The following PACSIN1 variants were observed in gnomAD, a reference collection of about 807,000 sequenced individuals.
PACSIN1 encodes protein kinase C and casein kinase substrate in neurons protein 1.
In PACSIN1, 15 loss-of-function variants were observed where a neutral mutation model predicts 59.5. That is an observed-to-expected ratio of 0.25 (90% confidence interval 0.17 to 0.39). The LOEUF is 0.39. Ranked by LOEUF, PACSIN1 falls within the 10% of genes least tolerant of loss-of-function variation. The pLI is 1.00. For missense variants in PACSIN1, 420 were observed against 580.2 expected, an observed-to-expected ratio of 0.72 and a Z score of 2.84; for synonymous variants, 210 against 220.6, an observed-to-expected ratio of 0.95 and a Z score of 0.42.
chr6:34,500,678 C>G (rs2127258026), intron 1 of PACSIN1, among the ~76,000 whole-genome samples: 1 of 150,610 alleles, frequency 6.6e-6, no homozygotes, highest in East Asian at 1.9e-4. Context: ...GTCAGCCTGT[C>G]CTTTGAAGCA....
chr6:34,529,470 G>T lies in PACSIN1; in HGVS notation c.530G>T (p.Ser177Ile), dbSNP rs2127275016. The change falls in exon 5 of 10, where the codon AGC becomes ATC. Residue 177 changes from serine to isoleucine, a missense_variant. Transcript: ENST00000244458. This position sits in a 1 kb window ranked among gnomAD's most constrained non-coding sequence, Gnocchi z 6.3. ...EKLAMTREMN[S>I]KTEQSVTPEQ... ...CTGGCCATGACACGGGAGATGAACA[G>T]CAAGACGGAGCAATCGGTCACACCT... 1 of 1,614,170 alleles carries T rather than the reference G, an allele frequency of 6.2e-7. No homozygotes were observed. Among genetic ancestry groups the T allele is most frequent in the African/African-American group, 1.3e-5 (1 of 75,034 alleles).
intron 1 of PACSIN1, among the ~76,000 whole-genome samples, chr6:34,502,434 A>C (rs1197258440): frequency 6.7e-6 from 1 of 148,914 alleles, no homozygotes; most frequent in Non-Finnish European, 1.5e-5. Flanking sequence ...CCAGCTGAGG[A>C]TAAGTCATGT....
chr6:34,519,392 C>A (rs1767349023), intron 1 of PACSIN1, among the ~76,000 whole-genome samples: 1 of 152,160 alleles, frequency 6.6e-6, no homozygotes, highest in African/African-American at 2.4e-5. Context: ...GCCTGGAACA[C>A]CCCAGGTTAG....
chr6:34,510,676 A>G (rs1459088719), intron 1 of PACSIN1, among the ~76,000 whole-genome samples: 4 of 152,152 alleles, frequency 2.6e-5, no homozygotes, highest in African/African-American at 9.7e-5. Flanking sequence ...GGATTCTAAA[A>G]TGTTCCTGCC....
In PACSIN1 at chr6:34,521,805, C is replaced by T. The variant is rs1393098368; in HGVS notation, c.-63-4438C>T. 6.6e-6 allele frequency among the ~76,000 whole-genome samples: 1 copy of T among 152,144 alleles called. No homozygotes were observed. The highest frequency in any genetic ancestry group is 1.5e-5 in the Non-Finnish European group (1 of 68,022). ...TCCAGTGGCCCGAGGTCTAGTGCTC[C>T]GTTTAATCCTTGCAACAGCCCATTT... On this transcript the variant is annotated intron_variant, in intron 1 of 9. Coordinates refer to ENST00000244458, the MANE Select transcript of PACSIN1 (RefSeq NM_020804.5). The surrounding 1 kb of genome is among the most constrained non-coding windows in gnomAD (Gnocchi z 4.3).
chr6:34,480,017 G>T (rs187886914), intron 1 of PACSIN1, among the ~76,000 whole-genome samples: 2 of 151,454 alleles, frequency 1.3e-5, no homozygotes, highest in African/African-American at 2.4e-5. Context: ...ATGGAGACGG[G>T]GTTTCACCGT....
Position 34,530,580 on chromosome 6 carries a change from C to T in PACSIN1, c.1030C>T (p.Arg344Cys), listed in dbSNP as rs879193247. 1.1e-5 allele frequency: 17 copies of T among 1,577,056 alleles called. No homozygotes were observed. Among genetic ancestry groups the T allele is most frequent in the South Asian group, 3.5e-5 (3 of 86,274 alleles). Reference protein sequence around the residue: ...AVESTSQAGDRGSVSSYDRGQ... With the variant: ...AVESTSQAGDCGSVSSYDRGQ... ...AGAGTCCACATCCCAGGCTGGGGAC[C>T]GCGGCAGGTGAGTGCCTCCTGTGGA... Residue 344 changes from arginine to cysteine, a missense_variant, in exon 8 of 10, where the codon CGC becomes TGC. Coordinates refer to ENST00000244458, the MANE Select transcript of PACSIN1 (RefSeq NM_020804.5). This position sits in a 1 kb window ranked among gnomAD's most constrained non-coding sequence, Gnocchi z 4.4.
At chr6:34,495,591 T>C (rs1171783439) in intron 1 of PACSIN1, among the ~76,000 whole-genome samples, 1 of 152,082 alleles carries the variant, frequency 6.6e-6, no homozygotes. Flanking sequence ...TAGCTGGGAT[T>C]ACAGGCGCGC....
intron 1 of PACSIN1, among the ~76,000 whole-genome samples, chr6:34,490,414 C>T (rs1021682761): frequency 6.6e-6 from 1 of 152,014 alleles, no homozygotes; most frequent in African/African-American, 2.4e-5. Context: ...TTGTTTGCTG[C>T]CCTTCTGGCT....
At position 34,531,996 on chromosome 6, in the gene PACSIN1, G is replaced by C. The variant is rs2127276830; in HGVS notation, c.1225+209G>C. 6.6e-6 allele frequency among the ~76,000 whole-genome samples: 1 copy of C among 152,266 alleles called. No individual in the cohort carries two copies. ...TGAAAGAGAGGCTTGGGCCTGCATTGGGTGTGTGGTGGGGTAGAGGCAGGA... is the reference window on the plus strand; with the variant it reads ...TGAAAGAGAGGCTTGGGCCTGCATTCGGTGTGTGGTGGGGTAGAGGCAGGA... On this transcript the variant is annotated intron_variant, in intron 9 of 9. Transcript: ENST00000244458. This position sits in a 1 kb window ranked among gnomAD's most constrained non-coding sequence, Gnocchi z 4.4.
In PACSIN1 at chr6:34,530,521, A is replaced by G; in HGVS notation, c.971A>G (p.Glu324Gly). ...AAGGAGAAACAGCCTAAGAAGGCAGAGGGAGTGGCGCTGACCAATGCCACT... is the reference window on the plus strand; with the variant it reads ...AAGGAGAAACAGCCTAAGAAGGCAGGGGGAGTGGCGCTGACCAATGCCACT... Reference protein sequence around the residue: ...TKKEKQPKKAEGVALTNATGA... With the variant: ...TKKEKQPKKAGGVALTNATGA... The change falls in exon 8 of 10, where the codon GAG becomes GGG. Residue 324 changes from glutamate to glycine, a missense_variant. Glu to Gly is a moderately conservative substitution (Grantham distance 98). Transcript: ENST00000244458. The surrounding 1 kb of genome is among the most constrained non-coding windows in gnomAD (Gnocchi z 4.4). 6.2e-7 allele frequency: 1 copy of G among 1,610,196 alleles called. No homozygotes were observed. The highest frequency in any genetic ancestry group is 8.5e-7 in the Non-Finnish European group (1 of 1,178,420).
intron 1 of PACSIN1, among the ~76,000 whole-genome samples, chr6:34,512,291 G>T (rs1350651407): frequency 6.6e-6 from 1 of 150,778 alleles, no homozygotes; most frequent in Non-Finnish European, 1.5e-5. Context: ...GGAATCCATT[G>T]AGTGTGGGAG....
At chr6:34,503,510 C>G (rs980569972) in intron 1 of PACSIN1, among the ~76,000 whole-genome samples, 1 of 152,138 alleles carries the variant, frequency 6.6e-6, no homozygotes, top group Non-Finnish European at 1.5e-5. Flanking sequence ...CTGCTGCATG[C>G]CCAGCCTGGT....
At chr6:34,489,920 G>C (rs559888898) in intron 1 of PACSIN1, among the ~76,000 whole-genome samples, 1 of 152,288 alleles carries the variant, frequency 6.6e-6, no homozygotes, top group East Asian at 1.9e-4. Flanking sequence ...CTGATTCTGG[G>C]GTTGCAGGGT....
At chr6:34,496,670 TCATCTTTCTGTA>T (rs1460892445) in intron 1 of PACSIN1, among the ~76,000 whole-genome samples, 1 of 152,234 alleles carries the variant, frequency 6.6e-6, no homozygotes, top group Non-Finnish European at 1.5e-5. Flanking sequence ...CCTTCTCTGG[TCATCTTTCTGTA>T]CAAATGAAAT....
At chr6:34,504,570 C>T (rs933133887) in intron 1 of PACSIN1, among the ~76,000 whole-genome samples, 2 of 152,080 alleles carry the variant, frequency 1.3e-5, no homozygotes, top group African/African-American at 4.8e-5. Context: ...GGATTGCAGG[C>T]GTGAGCCACA....
intron 1 of PACSIN1, among the ~76,000 whole-genome samples, chr6:34,524,844 G>C (rs907706506): frequency 1.3e-5 from 2 of 152,210 alleles, no homozygotes; most frequent in Non-Finnish European, 2.9e-5. Flanking sequence ...AATGGCTCAG[G>C]TTCTACCTTT....
chr6:34,519,620 G>A (rs768835721), intron 1 of PACSIN1, among the ~76,000 whole-genome samples: 3 of 152,106 alleles, frequency 2.0e-5, no homozygotes, highest in Non-Finnish European at 4.4e-5. Context: ...CTCTGTAGCT[G>A]TTAACACCCA....
Position 34,516,534 on chromosome 6 carries a change from C to T in PACSIN1, c.-63-9709C>T, listed in dbSNP as rs1767295530. On this transcript the variant is annotated intron_variant, in intron 1 of 9. Coordinates refer to ENST00000244458, the MANE Select transcript of PACSIN1 (RefSeq NM_020804.5). The surrounding 1 kb of genome is among the most constrained non-coding windows in gnomAD (Gnocchi z 5.4). ...CACCTCCTGCAGCCAGGCCTGCTGG[C>T]CTCAGTTGCCCGTCAGCGGCCGCCC... Among the ~76,000 whole-genome samples the T allele has an allele frequency of 1.3e-5, 2 of 152,210 alleles. No individual in the cohort carries two copies. The highest frequency in any genetic ancestry group is 1.5e-5 in the Non-Finnish European group (1 of 68,024).
Sources: gnomAD v4.1 joint callset for allele counts (sites outside exome capture counted in the v4.1 genomes callset) on GRCh38, gnomAD v4.1.1 for gene constraint, Gnocchi (gnomAD v3.1) non-coding constraint, MANE v1.5 for transcripts, NCBI Gene and HGNC (gene_info 2026-07-23, HGNC 2026-07-21) for gene names.